MYRFL: variants seen among roughly 807,000 people sequenced by gnomAD.
MYRFL encodes the protein myelin regulatory factor like, also known as myelin regulatory factor-like protein.
MYRFL carries 88 observed loss-of-function variants against 109.4 expected under a neutral mutation model. The ratio of observed to expected loss-of-function variants is 0.80; its 90% CI spans 0.68 to 0.96. The LOEUF (loss-of-function observed/expected upper bound fraction) is 0.96. Among genes scored for constraint, MYRFL ranks in the 40% least tolerant of loss-of-function variants. The pLI, the probability that MYRFL is intolerant of heterozygous loss-of-function variation, is 0.00. For synonymous variants in MYRFL, 324 were observed against 320.9 expected (o/e 1.01, Z -0.10); for missense variants, 957 against 954.9 (o/e 1.00, Z -0.03).
intron 1 of MYRFL, among the ~76,000 whole-genome samples, chr12:69,835,326 G>A (rs1565960039): frequency 2.0e-5 from 3 of 152,180 alleles, no homozygotes; most frequent in Admixed American, 2.0e-4. Context: ...AGGGATAGAA[G>A]TTTTTAACTA....
intron 16 of MYRFL, among the ~76,000 whole-genome samples, chr12:69,933,472 G>A (rs564545160): frequency 2.6e-5 from 4 of 152,230 alleles, no homozygotes; most frequent in South Asian, 2.1e-4. Flanking sequence ...TCTGGGGCCC[G>A]TCTTAGGGGA....
intron 19 of MYRFL, among the ~76,000 whole-genome samples, chr12:69,937,730 T>A (rs947887814): frequency 1.3e-5 from 2 of 152,214 alleles, no homozygotes; most frequent in African/African-American, 4.8e-5. Flanking sequence ...AGAATACTTA[T>A]AAGTGGTGCT....
At chr12:69,838,975 C>T (rs1455745636) in intron 1 of MYRFL, among the ~76,000 whole-genome samples, 4 of 152,174 alleles carry the variant, frequency 2.6e-5, no homozygotes, top group African/African-American at 9.7e-5. Context: ...ACAAGTGCAG[C>T]TCTCTAAAGA....
chr12:69,874,340 G>A (rs1334596327), intron 2 of MYRFL, among the ~76,000 whole-genome samples: 2 of 152,052 alleles, frequency 1.3e-5, no homozygotes, highest in African/African-American at 2.4e-5. Flanking sequence ...ACCACGCCCT[G>A]CTAATTTTAA....
intron 15 of MYRFL, 148 bp from the exon 16 acceptor site, chr12:69,932,365 G>T: frequency 1.7e-6 from 1 of 578,026 alleles, no homozygotes; most frequent in South Asian, 2.3e-5. Flanking sequence ...CAGAGAGGCA[G>T]GGAGGAGGAA....
In MYRFL at chr12:69,879,188, T is replaced by C; in HGVS notation, c.206-7T>C. Reference sequence around the variant, plus strand: ...AAGGGGCACTTCCTGCTTGTGTCTCTCCCCAGGTGCATGCTACCCAACCCT... The same window carrying C: ...AAGGGGCACTTCCTGCTTGTGTCTCCCCCCAGGTGCATGCTACCCAACCCT... On this transcript the variant is annotated splice_polypyrimidine_tract_variant and splice_region_variant and intron_variant, in intron 3 of 24. Transcript: ENST00000552032. The C allele has an allele frequency of 2.8e-6, 2 of 702,672 alleles. No individual in the cohort carries two copies. The highest frequency in any genetic ancestry group is 5.2e-6 in the Non-Finnish European group (2 of 384,750). The allele number at this position is 702,672 out of a possible 1,614,324, so 43.5% of individuals were successfully genotyped here.
In MYRFL at chr12:69,958,545, G is replaced by A. The variant is rs1956147620; in HGVS notation, c.*14G>A. ...CGCTGTGCCTAATTTGTTCAAGTTTGGGGACTTTACCAAAGAAAAATACTC... is the reference window on the plus strand; with the variant it reads ...CGCTGTGCCTAATTTGTTCAAGTTTAGGGACTTTACCAAAGAAAAATACTC... On this transcript the variant is annotated 3_prime_UTR_variant, in exon 25 of 25. Coordinates refer to ENST00000552032, the MANE Select transcript of MYRFL (RefSeq NM_182530.3). The A allele has an allele frequency of 1.3e-6, 2 of 1,515,170 alleles. No homozygotes were observed. The highest frequency in any genetic ancestry group is 1.8e-6 in the Non-Finnish European group (2 of 1,136,108). The allele number at this position is 1,515,170 out of a possible 1,614,324, so 93.9% of individuals were successfully genotyped here.
chr12:69,879,146 G>C (rs1565990716), intron 3 of MYRFL, 49 bp from the exon 4 acceptor site: 1 of 630,586 alleles, frequency 1.6e-6, no homozygotes, highest in Admixed American at 2.2e-5. Flanking sequence ...CTTCCTCCTC[G>C]ACTCTGGGCC....
chr12:69,927,741 A>G lies in MYRFL; in HGVS notation c.1823A>G (p.Asn608Ser), dbSNP rs1955142705. Reference protein sequence around the residue: ...SSPRRAVHKKNNKVYFSGKRQ... With the variant: ...SSPRRAVHKKSNKVYFSGKRQ... Reference sequence around the variant, plus strand: ...CCAAGAAGGGCCGTTCATAAAAAAAACAACAAGGTAAATAGACACATTTAC... The same window carrying G: ...CCAAGAAGGGCCGTTCATAAAAAAAGCAACAAGGTAAATAGACACATTTAC... Residue 608 changes from asparagine to serine, a missense_variant, in exon 15 of 25, where the codon AAC (asparagine) becomes AGC (serine). Transcript: ENST00000552032. The G allele has an allele frequency of 2.0e-6, 3 of 1,533,332 alleles. No individual in the cohort carries two copies. The highest frequency in any genetic ancestry group is 1.2e-5 in the South Asian group (1 of 83,578). 95.0% of individuals were successfully genotyped at this position (1,533,332 alleles called of 1,614,324 possible). A position where few individuals can be genotyped will look rare whatever the true frequency, so the allele number is the denominator to read the frequency against.
chr12:69,915,897 T>A (rs1954714767), intron 13 of MYRFL, among the ~76,000 whole-genome samples: 1 of 152,104 alleles, frequency 6.6e-6, no homozygotes, highest in African/African-American at 2.4e-5. Flanking sequence ...TATTATTAGA[T>A]GTGCTTGCTG....
chr12:69,885,469 T>G (rs1478058301), intron 5 of MYRFL, among the ~76,000 whole-genome samples: 1 of 152,180 alleles, frequency 6.6e-6, no homozygotes, highest in Non-Finnish European at 1.5e-5. Context: ...AGCTGTGGGC[T>G]AGGTGGATAC....
chr12:69,839,222 A>T (rs1251581637), intron 1 of MYRFL, among the ~76,000 whole-genome samples: 1 of 152,172 alleles, frequency 6.6e-6, no homozygotes, highest in Non-Finnish European at 1.5e-5. Flanking sequence ...GAACCCAGAA[A>T]GAACAGGTTC....
At chr12:69,932,878 TG>T (rs1955313244) in intron 16 of MYRFL, among the ~76,000 whole-genome samples, 2 of 150,812 alleles carry the variant, frequency 1.3e-5, no homozygotes, top group Non-Finnish European at 3.0e-5. Flanking sequence ...TGTGTGTGTG[TG>T]TGTTTGTGTG....
intron 5 of MYRFL, among the ~76,000 whole-genome samples, chr12:69,883,925 T>A (rs1173201755): frequency 6.6e-6 from 1 of 152,068 alleles, no homozygotes; most frequent in Non-Finnish European, 1.5e-5. Flanking sequence ...ATATATTACA[T>A]CATAGTATTC....
intron 21 of MYRFL, among the ~76,000 whole-genome samples, chr12:69,954,941 G>C (rs1040942825): frequency 6.6e-6 from 1 of 152,146 alleles, no homozygotes; most frequent in Non-Finnish European, 1.5e-5. Context: ...TTGCTCAAAA[G>C]GGAGTGATTT....
At chr12:69,875,773 G>C (rs975830029) in intron 2 of MYRFL, among the ~76,000 whole-genome samples, 1 of 152,140 alleles carries the variant, frequency 6.6e-6, no homozygotes, top group Admixed American at 6.6e-5. Context: ...GTTTCATCCC[G>C]AAACCATCCC....
At chr12:69,906,629 C>T (rs956209581) in intron 11 of MYRFL, among the ~76,000 whole-genome samples, 3 of 152,156 alleles carry the variant, frequency 2.0e-5, no homozygotes, top group Admixed American at 2.0e-4. Context: ...ACCACAATAC[C>T]CGTGTGCTAG....
chr12:69,929,438 G>C (rs1267738796), intron 15 of MYRFL, among the ~76,000 whole-genome samples: 1 of 152,330 alleles, frequency 6.6e-6, no homozygotes, highest in African/African-American at 2.4e-5. Flanking sequence ...TATGAGAGTT[G>C]AGCCTTAAAG....
At chr12:69,941,952 C>T (rs1304378416) in intron 19 of MYRFL, among the ~76,000 whole-genome samples, 1 of 151,160 alleles carries the variant, frequency 6.6e-6, no homozygotes, top group Non-Finnish European at 1.5e-5. Flanking sequence ...GGATAAATTC[C>T]TGGACACATA....
Sources: allele counts gnomAD v4.1 joint callset (sites outside exome capture counted in the v4.1 genomes callset), GRCh38; gene constraint gnomAD v4.1.1; transcripts MANE v1.5; gene names NCBI Gene and HGNC (gene_info 2026-07-23, HGNC 2026-07-21).